Variants in PTP4A2 observed in about 807,000 individuals in gnomAD.
The protein encoded by PTP4A2 is protein tyrosine phosphatase 4A2, also known as protein tyrosine phosphatase type IVA 2.
PTP4A2 carries 2 observed loss-of-function variants against 22.9 expected under a neutral mutation model. The ratio of observed to expected loss-of-function variants is 0.09; its 90% confidence interval spans 0.04 to 0.27. The LOEUF (loss-of-function observed/expected upper bound fraction) is 0.27, where lower values mean the gene tolerates loss of function less well. Ranked by LOEUF, PTP4A2 falls within the 10% of genes least tolerant of loss-of-function variation. The pLI, the probability that PTP4A2 is intolerant of heterozygous loss-of-function variation, is 1.00. For synonymous variants in PTP4A2, 68 were observed against 69.1 expected (o/e 0.98, Z 0.08); for missense variants, 103 against 205.1 (o/e 0.50, Z 3.04).
At chr1:31,935,423 A>G (rs1203206742) in intron 1 of PTP4A2, among the ~76,000 whole-genome samples, 5 of 152,174 alleles carry the variant, frequency 3.3e-5, no homozygotes, top group Non-Finnish European at 7.3e-5. Flanking sequence ...AGCTCTCCTA[A>G]GTACTAGCTG....
rs988880683 is a variant in PTP4A2 at position 31,907,357 on chromosome 1, A to G, written c.*1495T>C. On this transcript the variant is annotated 3_prime_UTR_variant, in exon 6 of 6. Transcript: ENST00000647444. ...CCTGCTTTGTCCATGCAGCCTGATC[A>G]TAACTGCCTTCCACAAAGGAGCAGA... The G allele has an allele frequency of 1.3e-5, 2 of 152,232 alleles. No homozygotes were observed. Among genetic ancestry groups the G allele is most frequent in the Non-Finnish European group, 2.9e-5 (2 of 68,054 alleles). 9.4% of individuals were successfully genotyped at this position (152,232 alleles called of 1,614,324 possible).
At position 31,908,581 on chromosome 1, in the gene PTP4A2, C is replaced by T; in HGVS notation, c.*271G>A. 1 of 299,780 alleles carries T rather than the reference C, an allele frequency of 3.3e-6. No individual in the cohort carries two copies. The highest frequency in any genetic ancestry group is 6.7e-5 in the East Asian group (1 of 14,816). The allele number at this position is 299,780 out of a possible 1,614,324, so 18.6% of individuals were successfully genotyped here. A position where few individuals can be genotyped will look rare whatever the true frequency, so the allele number is the denominator to read the frequency against. ...ACAGGAGATTTCAAAATAATTCAAT[C>T]CTGGCAGAAATTCAAACTCCAAAAC... On this transcript the variant is annotated 3_prime_UTR_variant, in exon 6 of 6. Transcript: ENST00000647444.
At chr1:31,912,654 G>T (rs985914147) in intron 3 of PTP4A2, among the ~76,000 whole-genome samples, 33 of 152,176 alleles carry the variant, frequency 2.2e-4, no homozygotes, top group African/African-American at 7.7e-4. Flanking sequence ...GGGGACTGGG[G>T]GCTGACATTT....
rs1651218183 is a variant in PTP4A2, at chr1:31,907,246, A to C, written c.*1606T>G. The C allele has an allele frequency of 6.6e-6, 1 of 152,196 alleles. No individual in the cohort carries two copies. 9.4% of individuals were successfully genotyped at this position (152,196 alleles called of 1,614,324 possible). On this transcript the variant is annotated 3_prime_UTR_variant, in exon 6 of 6. Transcript: ENST00000647444. ...CAGGACAAGATGACTTTAAGCCCGTATTCAGAGCCCTAGAAGCAGGGCACT... is the reference window on the plus strand; with the variant it reads ...CAGGACAAGATGACTTTAAGCCCGTCTTCAGAGCCCTAGAAGCAGGGCACT...
chr1:31,928,725 A>G (rs1274067767), intron 1 of PTP4A2, among the ~76,000 whole-genome samples: 1 of 149,914 alleles, frequency 6.7e-6, no homozygotes, highest in South Asian at 2.1e-4. Flanking sequence ...AAAAAATTTC[A>G]TAGTTACTCC....
intron 2 of PTP4A2, among the ~76,000 whole-genome samples, chr1:31,916,260 G>C (rs149584206): frequency 7.0e-6 from 1 of 143,010 alleles, no homozygotes; most frequent in Non-Finnish European, 1.5e-5. Flanking sequence ...CAGGAGAATC[G>C]CTTGAACCCA....
At position 31,919,549 on chromosome 1, in the gene PTP4A2, T is replaced by C. The variant is rs984757677; in HGVS notation, c.-484A>G. The C allele has an allele frequency of 6.6e-6, 1 of 152,608 alleles. No homozygotes were observed. Among genetic ancestry groups the C allele is most frequent in the African/African-American group, 2.4e-5 (1 of 41,328 alleles). The allele number at this position is 152,608 out of a possible 1,614,324, so 9.5% of individuals were successfully genotyped here. A position where few individuals can be genotyped will look rare whatever the true frequency, so the allele number is the denominator to read the frequency against. On this transcript the variant is annotated 5_prime_UTR_variant, in exon 2 of 6. An upstream start codon of the reference 5' UTR is lost. Transcript: ENST00000647444. Reference sequence around the variant, plus strand: ...TCAAGGCAATGTTAATTATGGCACATAGAACCTCCAAGCTCACTTGTCAGC... The same window carrying C: ...TCAAGGCAATGTTAATTATGGCACACAGAACCTCCAAGCTCACTTGTCAGC...
chr1:31,930,272 G>A (rs1293866734), intron 1 of PTP4A2, among the ~76,000 whole-genome samples: 11 of 152,178 alleles, frequency 7.2e-5, no homozygotes, highest in African/African-American at 2.2e-4. Flanking sequence ...CCGGGGGGGC[G>A]GAACCTGCAG....
rs1281488085 is a variant in PTP4A2, at chr1:31,926,145, A to T, written c.-593-6487T>A. Among the ~76,000 whole-genome samples, 201 of 130,788 alleles carry T rather than the reference A, an allele frequency of 1.5e-3. 1 individual carries two copies. The highest frequency in any genetic ancestry group is 6.2e-3 in the East Asian group (31 of 4,970). 85.8% of individuals were successfully genotyped at this position (130,788 alleles called of 152,430 possible). A position where few individuals can be genotyped will look rare whatever the true frequency, so the allele number is the denominator to read the frequency against. ...TCCGTTTCAAAAAATTAAAAAAAAAAAAAAATATATATATATATATATATT... is the reference window on the plus strand; with the variant it reads ...TCCGTTTCAAAAAATTAAAAAAAAATAAAAATATATATATATATATATATT... On this transcript the variant is annotated intron_variant, in intron 1 of 5. Coordinates refer to ENST00000647444, the MANE Select transcript of PTP4A2 (RefSeq NM_080391.4).
intron 3 of PTP4A2, chr1:31,915,396 C>T (rs576765119): frequency 6.6e-6 from 1 of 152,170 alleles, no homozygotes; most frequent in South Asian, 2.1e-4. Flanking sequence ...TTACTCTCAT[C>T]CAGGCTGGAG....
chr1:31,932,461 G>C (rs527479611), intron 1 of PTP4A2, among the ~76,000 whole-genome samples: 3 of 152,292 alleles, frequency 2.0e-5, no homozygotes, highest in Middle Eastern at 3.4e-3. Flanking sequence ...ATTTAGTTTA[G>C]GCCACTTAAA....
In PTP4A2 at chr1:31,908,167, TA is replaced by T. The variant is rs1413189373; in HGVS notation, c.*684del. On this transcript the variant is annotated 3_prime_UTR_variant, in exon 6 of 6. Transcript: ENST00000647444. ...ATATATATATATATATATATATATA[TA>T]TATATATATATATATATATATATAT... The T allele has an allele frequency of 9.3e-4, 20 of 21,440 alleles. 3 individuals carry two copies. The highest frequency in any genetic ancestry group is 3.8e-3 in the African/African-American group (19 of 4,960). 1.3% of individuals were successfully genotyped at this position (21,440 alleles called of 1,614,324 possible). A position where few individuals can be genotyped will look rare whatever the true frequency, so the allele number is the denominator to read the frequency against.
chr1:31,915,880 A>C lies in PTP4A2; in HGVS notation c.189+15T>G. On this transcript the variant is annotated intron_variant, in intron 3 of 5. Coordinates refer to ENST00000647444, the MANE Select transcript of PTP4A2 (RefSeq NM_080391.4). Reference sequence around the variant, plus strand: ...ATACAACTTGTTTTGAAAAATTTAAATACTACACACTCACTAGAACGTGGA... The same window carrying C: ...ATACAACTTGTTTTGAAAAATTTAACTACTACACACTCACTAGAACGTGGA... 6.6e-7 allele frequency: 1 copy of C among 1,520,202 alleles called. No individual in the cohort carries two copies. The highest frequency in any genetic ancestry group is 1.2e-5 in the South Asian group (1 of 83,142). The allele number at this position is 1,520,202 out of a possible 1,614,324, so 94.2% of individuals were successfully genotyped here. A position where few individuals can be genotyped will look rare whatever the true frequency, so the allele number is the denominator to read the frequency against.
intron 1 of PTP4A2, among the ~76,000 whole-genome samples, chr1:31,926,658 A>G (rs1040227348): frequency 1.3e-5 from 2 of 152,200 alleles, no homozygotes; most frequent in Non-Finnish European, 2.9e-5. Flanking sequence ...ATTAATTCAA[A>G]TATTTACAGA....
intron 3 of PTP4A2, 124 bp downstream of exon 3, chr1:31,915,771 T>C: frequency 3.1e-6 from 2 of 641,352 alleles, no homozygotes; most frequent in Non-Finnish European, 5.3e-6. Flanking sequence ...AACTCCTGGG[T>C]TCAAGTGATC....
At chr1:31,935,661 T>G (rs566906286) in intron 1 of PTP4A2, 6 of 152,294 alleles carry the variant, frequency 3.9e-5, no homozygotes, top group African/African-American at 1.4e-4. Context: ...CCCTAGTGCC[T>G]GGCAAATAGA....
At position 31,927,507 on chromosome 1, in the gene PTP4A2, CTAACA is replaced by C. The variant is rs1652521347; in HGVS notation, c.-593-7854_-593-7850del. 5.3e-5 allele frequency among the ~76,000 whole-genome samples: 8 copies of C among 152,184 alleles called. No homozygotes were observed. The South Asian group carries it at 1.7e-3, about 32-fold the overall frequency. On this transcript the variant is annotated intron_variant, in intron 1 of 5. Coordinates refer to ENST00000647444, the MANE Select transcript of PTP4A2 (RefSeq NM_080391.4). ...AAACCTGCACATGTACACACTGAAC[CTAACA>C]TAAAAGCTGAAAAAGGAGAGAAAAA...
At chr1:31,924,618 CTCTA>C (rs1652361717) in intron 1 of PTP4A2, among the ~76,000 whole-genome samples, 1 of 152,170 alleles carries the variant, frequency 6.6e-6, no homozygotes, top group African/African-American at 2.4e-5. Flanking sequence ...ATTAATTCTG[CTCTA>C]TCTACTTAAA....
intron 1 of PTP4A2, among the ~76,000 whole-genome samples, chr1:31,936,548 ATT>A (rs1456379279): frequency 1.3e-5 from 2 of 152,252 alleles, no homozygotes; most frequent in Admixed American, 1.3e-4. Flanking sequence ...AGATAACATC[ATT>A]TTTAAGATTA....
Sources: gnomAD v4.1 joint callset for allele counts (sites outside exome capture counted in the v4.1 genomes callset) on GRCh38, gnomAD v4.1.1 for gene constraint, MANE v1.5 for transcripts, NCBI Gene and HGNC (gene_info 2026-07-23, HGNC 2026-07-21) for gene names.